PTPRD: variants seen among roughly 807,000 people sequenced by gnomAD.
The protein encoded by PTPRD is protein tyrosine phosphatase receptor type D.
PTPRD carries 34 observed loss-of-function variants against 214.5 expected under a neutral mutation model. The observed-to-expected ratio is 0.16, with a 90% CI of 0.12 to 0.21. The LOEUF is 0.21. Ranked by LOEUF, PTPRD falls within the 10% of genes least tolerant of loss-of-function variation. The pLI, the probability that PTPRD is intolerant of heterozygous loss-of-function variation, is 1.00. For synonymous variants in PTPRD, 1,128 were observed against 845.7 expected (o/e 1.33, Z -5.79); for missense variants, 2,545 against 2,398.7 (o/e 1.06, Z -1.27).
chr9:9,391,230 G>C (rs191885497), intron 9 of PTPRD, among the ~76,000 whole-genome samples: 141 of 152,208 alleles, frequency 9.3e-4, no homozygotes, highest in Middle Eastern at 3.4e-3. Flanking sequence ...TGACATATCA[G>C]TATTTTCCAA....
At chr9:8,797,473 G>T (rs1434275) in intron 11 of PTPRD, among the ~76,000 whole-genome samples, 76,983 of 152,016 alleles carry the variant, frequency 0.51, 19,790 homozygotes, top group East Asian at 0.63. Context: ...ATGTCTAAGC[G>T]ATATATGATG....
At chr9:10,520,161 T>G (rs184181877) in intron 2 of PTPRD, among the ~76,000 whole-genome samples, 35 of 152,236 alleles carry the variant, frequency 2.3e-4, no homozygotes, top group Admixed American at 2.2e-3. Context: ...TTGTGCCAGT[T>G]TGTCAAGTTG....
intron 8 of PTPRD, among the ~76,000 whole-genome samples, chr9:9,412,342 A>G (rs1409023947): frequency 6.6e-6 from 1 of 152,132 alleles, no homozygotes; most frequent in Non-Finnish European, 1.5e-5. Flanking sequence ...GCCTACTGAA[A>G]TTGTTGCCTA....
rs200825072 is a variant in PTPRD at position 9,092,374 on chromosome 9, T to C, written c.-142-73639A>G. On this transcript the variant is annotated intron_variant, in intron 10 of 45. Coordinates refer to ENST00000381196, the MANE Select transcript of PTPRD (RefSeq NM_002839.4). ...TCATTTCTTCTTCAACTGATTCATA[T>C]TATTATTGTTATAAATATCACATGC... 9.9e-5 allele frequency among the ~76,000 whole-genome samples: 15 copies of C among 152,226 alleles called. No individual in the cohort carries two copies. The East Asian group carries it at 2.9e-3, about 29-fold the overall frequency.
In PTPRD at chr9:9,769,682, T is replaced by C. The variant is rs986156607; in HGVS notation, c.-367-2831A>G. On this transcript the variant is annotated intron_variant, in intron 5 of 45. Coordinates refer to ENST00000381196, the MANE Select transcript of PTPRD (RefSeq NM_002839.4). Reference sequence around the variant, plus strand: ...CTTGCAGGTTTGTTACACAGGTATATATGTGCCATGGTGGTTTGCTGCACC... The same window carrying C: ...CTTGCAGGTTTGTTACACAGGTATACATGTGCCATGGTGGTTTGCTGCACC... Among the ~76,000 whole-genome samples, 140 of 152,020 alleles carry C rather than the reference T, an allele frequency of 9.2e-4. 1 individual carries two copies. The highest frequency in any genetic ancestry group is 3.1e-3 in the African/African-American group (130 of 41,382).
At position 9,714,284 on chromosome 9, in the gene PTPRD, G is replaced by A. The variant is rs962541915; in HGVS notation, c.-287+20249C>T. Among the ~76,000 whole-genome samples the A allele has an allele frequency of 3.2e-4, 48 of 151,988 alleles. 1 individual carries two copies. ...AGGGTCATTAGGTTGATATATTTTT[G>A]TACAGCAACAGGAATGACTGCTCTG... On this transcript the variant is annotated intron_variant, in intron 7 of 45. Coordinates refer to ENST00000381196, the MANE Select transcript of PTPRD (RefSeq NM_002839.4).
chr9:10,166,995 G>C (rs1489879035), intron 3 of PTPRD, among the ~76,000 whole-genome samples: 2 of 152,086 alleles, frequency 1.3e-5, no homozygotes, highest in Non-Finnish European at 2.9e-5. Flanking sequence ...TTATGGAATT[G>C]ATGGTTAAAA....
At chr9:8,427,679 T>G (rs534393718) in intron 35 of PTPRD, among the ~76,000 whole-genome samples, 1 of 150,728 alleles carries the variant, frequency 6.6e-6, no homozygotes, top group Non-Finnish European at 1.5e-5. Flanking sequence ...CTTATTGTTA[T>G]GATTATTATT....
chr9:9,355,110 T>G (rs2053236799), intron 9 of PTPRD, among the ~76,000 whole-genome samples: 1 of 151,732 alleles, frequency 6.6e-6, no homozygotes, highest in African/African-American at 2.4e-5. Flanking sequence ...TGTATACAAT[T>G]TGGTGAGTGT....
At chr9:9,446,465 T>A (rs1035911440) in intron 8 of PTPRD, among the ~76,000 whole-genome samples, 1 of 152,146 alleles carries the variant, frequency 6.6e-6, no homozygotes, top group Admixed American at 6.6e-5. Flanking sequence ...CTCCTGAGAC[T>A]TTCGTGAGGT....
chr9:8,970,555 A>G (rs76387342), intron 11 of PTPRD, among the ~76,000 whole-genome samples: 4,168 of 151,906 alleles, frequency 0.027, 95 homozygotes, highest in Middle Eastern at 0.054. Flanking sequence ...TGAGACAGCA[A>G]AAAGAGACAA....
intron 2 of PTPRD, among the ~76,000 whole-genome samples, chr9:10,594,716 C>T (rs1472346886): frequency 2.0e-5 from 3 of 151,960 alleles, no homozygotes; most frequent in Non-Finnish European, 4.4e-5. Context: ...CACACCCTTG[C>T]AACAATTATT....
chr9:10,060,904 CT>C (rs749832715), intron 3 of PTPRD, among the ~76,000 whole-genome samples: 3,855 of 67,218 alleles, frequency 0.057, 71 homozygotes, highest in Non-Finnish European at 0.072. Context: ...TTCCTTCTTT[CT>C]TTCTTTCTTT....
In PTPRD at chr9:8,804,269, A is replaced by T. The variant is rs2096629549; in HGVS notation, c.-103-70323T>A. On this transcript the variant is annotated intron_variant, in intron 11 of 45. Transcript: ENST00000381196. ...TGCCCAGCCCCTCATTTCTCTTAAT[A>T]ACACAAATCTATAGGCACTTTAAAA... Among the ~76,000 whole-genome samples the T allele has an allele frequency of 2.0e-5, 3 of 152,112 alleles. No individual in the cohort carries two copies. In the South Asian group the frequency reaches 6.2e-4, roughly 32 times the overall value.
chr9:9,083,995 T>C (rs10977475), intron 10 of PTPRD, among the ~76,000 whole-genome samples: 21,087 of 152,136 alleles, frequency 0.14, 1,679 homozygotes, highest in African/African-American at 0.2. Flanking sequence ...GACAGTGTGG[T>C]GATTCCTCGA....
At chr9:10,151,188 G>A (rs2099058509) in intron 3 of PTPRD, among the ~76,000 whole-genome samples, 2 of 144,172 alleles carry the variant, frequency 1.4e-5, no homozygotes, top group East Asian at 2.0e-4. Context: ...AGCCTCCCGA[G>A]TAGCTGGGAT....
chr9:9,821,698 G>C (rs1171721878), intron 5 of PTPRD, among the ~76,000 whole-genome samples: 2 of 151,820 alleles, frequency 1.3e-5, no homozygotes, highest in South Asian at 4.2e-4. Context: ...ATTATCAATA[G>C]CCCTCTGAAA....
chr9:8,534,145 T>C (rs1030593676), intron 14 of PTPRD, among the ~76,000 whole-genome samples: 2 of 152,040 alleles, frequency 1.3e-5, no homozygotes, highest in African/African-American at 2.4e-5. Flanking sequence ...ACGGTTGCTA[T>C]GTGAGAAGCA....
At chr9:9,128,994 G>C (rs1389479946) in intron 10 of PTPRD, among the ~76,000 whole-genome samples, 3 of 152,134 alleles carry the variant, frequency 2.0e-5, no homozygotes, top group Non-Finnish European at 4.4e-5. Context: ...GATTCTATTT[G>C]GGAAATATAA....
Sources: gnomAD v4.1 joint callset for allele counts (sites outside exome capture counted in the v4.1 genomes callset) on GRCh38, gnomAD v4.1.1 for gene constraint, MANE v1.5 for transcripts, NCBI Gene and HGNC (gene_info 2026-07-23, HGNC 2026-07-21) for gene names.